CCDC178: variants seen among roughly 807,000 people sequenced by gnomAD.
The protein encoded by CCDC178 is coiled-coil domain-containing protein 178.
A neutral mutation model predicts 117.4 loss-of-function variants in CCDC178; 126 were observed. The observed-to-expected ratio is 1.07, with a 90% CI of 0.93 to 1.24. The LOEUF (loss-of-function observed/expected upper bound fraction) is 1.24, where lower values mean the gene tolerates loss of function less well. CCDC178 is among the 50% of genes most tolerant of loss of function. The probability of loss-of-function intolerance (pLI) is 0.00; values close to 1 mark genes in which losing one functional copy is unlikely to be tolerated. For synonymous variants in CCDC178, 283 were observed against 313.4 expected (o/e 0.90, Z 1.02); for missense variants, 1,030 against 986.9 (o/e 1.04, Z -0.59).
intron 21 of CCDC178, among the ~76,000 whole-genome samples, chr18:33,061,777 T>C (rs1471042222): frequency 6.6e-6 from 1 of 152,178 alleles, no homozygotes; most frequent in Non-Finnish European, 1.5e-5. Flanking sequence ...GATTTATCAA[T>C]ACTGCTGATG....
chr18:33,118,172 G>A (rs896640943), intron 20 of CCDC178, among the ~76,000 whole-genome samples: 5 of 152,074 alleles, frequency 3.3e-5, no homozygotes, highest in Non-Finnish European at 5.9e-5. Flanking sequence ...CCTGAAGCAG[G>A]CACTTGATAT....
chr18:33,424,946 A>G (rs1599305758), intron 2 of CCDC178, among the ~76,000 whole-genome samples: 1 of 152,148 alleles, frequency 6.6e-6, no homozygotes, highest in East Asian at 1.9e-4. Flanking sequence ...CCCAGGCGTG[A>G]TATTTGGTGT....
chr18:33,102,083 T>C (rs1436753691), intron 20 of CCDC178, among the ~76,000 whole-genome samples: 1 of 151,888 alleles, frequency 6.6e-6, no homozygotes, highest in Non-Finnish European at 1.5e-5. Flanking sequence ...TTTCTTCACG[T>C]GACTGTCATT....
intron 6 of CCDC178, among the ~76,000 whole-genome samples, chr18:33,360,681 C>CA (rs2063113330): frequency 6.6e-6 from 1 of 151,392 alleles, no homozygotes; most frequent in Non-Finnish European, 1.5e-5. Flanking sequence ...AATCAATGTA[C>CA]AAAAACTAGT....
intron 11 of CCDC178, among the ~76,000 whole-genome samples, chr18:33,322,170 A>G (rs1040070622): frequency 2.0e-5 from 3 of 151,916 alleles, no homozygotes; most frequent in African/African-American, 7.2e-5. Context: ...ATGTATCACC[A>G]TAGTGGGCAA....
chr18:32,972,914 C>T (rs1210413437), intron 22 of CCDC178, among the ~76,000 whole-genome samples: 1 of 151,866 alleles, frequency 6.6e-6, no homozygotes, highest in African/African-American at 2.4e-5. Flanking sequence ...AAATGGAAGC[C>T]ATCTCCAATA....
At chr18:33,363,610 T>C (rs941120937) in intron 6 of CCDC178, among the ~76,000 whole-genome samples, 1 of 152,030 alleles carries the variant, frequency 6.6e-6, no homozygotes, top group Non-Finnish European at 1.5e-5. Flanking sequence ...CTTCCCCTTT[T>C]TGAATGAGGG....
chr18:33,277,084 A>G (rs926532282), intron 12 of CCDC178, among the ~76,000 whole-genome samples: 1 of 152,154 alleles, frequency 6.6e-6, no homozygotes, highest in Non-Finnish European at 1.5e-5. Flanking sequence ...CTACTATTTA[A>G]CACTGTATTA....
intron 20 of CCDC178, among the ~76,000 whole-genome samples, chr18:33,108,935 C>T (rs1275023964): frequency 1.3e-5 from 2 of 151,618 alleles, no homozygotes; most frequent in Admixed American, 6.6e-5. Flanking sequence ...ATATCCCCTC[C>T]AGTTATCAAG....
At chr18:33,168,538 T>C (rs1262629972) in intron 20 of CCDC178, among the ~76,000 whole-genome samples, 2 of 152,202 alleles carry the variant, frequency 1.3e-5, no homozygotes, top group Non-Finnish European at 2.9e-5. Flanking sequence ...AATTTGTTTA[T>C]ACAAAATCAA....
chr18:33,033,366 G>C (rs1037351673), intron 21 of CCDC178, among the ~76,000 whole-genome samples: 2 of 151,936 alleles, frequency 1.3e-5, no homozygotes, highest in Non-Finnish European at 2.9e-5. Context: ...AAAAGCCCTT[G>C]AATAAAATGT....
intron 12 of CCDC178, among the ~76,000 whole-genome samples, chr18:33,290,594 A>G (rs769174772): frequency 2.6e-5 from 4 of 152,136 alleles, no homozygotes; most frequent in Non-Finnish European, 4.4e-5. Flanking sequence ...AATTTTAAAT[A>G]AATGAACCAG....
At chr18:33,107,611 T>C (rs2057725087) in intron 20 of CCDC178, among the ~76,000 whole-genome samples, 1 of 151,742 alleles carries the variant, frequency 6.6e-6, no homozygotes, top group Admixed American at 6.6e-5. Context: ...TCTGTCCCTG[T>C]AATACAATTT....
At chr18:32,957,869 T>G (rs992174515) in intron 22 of CCDC178, 2 of 162,838 alleles carry the variant, frequency 1.2e-5, no homozygotes, top group African/African-American at 4.8e-5. Context: ...TTGGAGCAAG[T>G]CTTCAGGTCT....
At chr18:33,167,517 T>C (rs1033214467) in intron 20 of CCDC178, among the ~76,000 whole-genome samples, 1 of 152,138 alleles carries the variant, frequency 6.6e-6, no homozygotes, top group Non-Finnish European at 1.5e-5. Context: ...TGACTAGTGA[T>C]GTTGTGCATT....
At chr18:33,071,181 T>G (rs376364296) in intron 21 of CCDC178, among the ~76,000 whole-genome samples, 11 of 152,082 alleles carry the variant, frequency 7.2e-5, no homozygotes, top group African/African-American at 2.7e-4. Context: ...GAGTAGTCAT[T>G]GATCAGAGTG....
intron 21 of CCDC178, among the ~76,000 whole-genome samples, chr18:33,038,203 A>C (rs1445362560): frequency 5.9e-5 from 9 of 151,934 alleles, no homozygotes; most frequent in African/African-American, 2.2e-4. Flanking sequence ...GAAAGTCAAC[A>C]TGGTTAAATT....
At chr18:33,065,780 T>C (rs1192548893) in intron 21 of CCDC178, among the ~76,000 whole-genome samples, 3 of 151,706 alleles carry the variant, frequency 2.0e-5, no homozygotes, top group Non-Finnish European at 1.5e-5. Flanking sequence ...GAGAATGGGA[T>C]GATAGATTCA....
chr18:33,116,920 C>T (rs932924996), intron 20 of CCDC178, among the ~76,000 whole-genome samples: 7 of 150,520 alleles, frequency 4.7e-5, no homozygotes, highest in Non-Finnish European at 8.9e-5. Flanking sequence ...CCATGAAGAA[C>T]AATGGTGAAG....
Sources: allele counts gnomAD v4.1 joint callset (sites outside exome capture counted in the v4.1 genomes callset), GRCh38; gene constraint gnomAD v4.1.1; transcripts MANE v1.5; gene names NCBI Gene and HGNC (gene_info 2026-07-23, HGNC 2026-07-21).